NRXN1: variants seen among roughly 807,000 people sequenced by gnomAD.
The protein encoded by NRXN1 is neurexin 1.
In NRXN1, 39 loss-of-function variants were observed where a neutral mutation model predicts 150.9. The observed-to-expected ratio is 0.26, with a 90% CI of 0.20 to 0.34. The LOEUF (loss-of-function observed/expected upper bound fraction) is 0.34. NRXN1 is among the 10% of genes least tolerant of loss of function. The pLI is 1.00. For synonymous variants in NRXN1, 924 were observed against 757.0 expected, an observed-to-expected ratio of 1.22 and a Z score of -3.62; for missense variants, 1,815 against 1,949.9, an observed-to-expected ratio of 0.93 and a Z score of 1.30.
At chr2:50,667,888 C>T (rs1688300776) in intron 5 of NRXN1, among the ~76,000 whole-genome samples, 1 of 151,970 alleles carries the variant, frequency 6.6e-6, no homozygotes, top group Non-Finnish European at 1.5e-5. Flanking sequence ...TAGCATCTTT[C>T]TCATTACTTA....
intron 21 of NRXN1, among the ~76,000 whole-genome samples, chr2:49,997,899 A>C (rs1301469301): frequency 6.6e-6 from 1 of 152,138 alleles, no homozygotes; most frequent in East Asian, 1.9e-4. Flanking sequence ...AGGAAGGCTT[A>C]AAGTGAGGGC....
intron 8 of NRXN1, among the ~76,000 whole-genome samples, chr2:50,601,135 C>T (rs1483882991): frequency 1.3e-5 from 2 of 151,854 alleles, no homozygotes; most frequent in African/African-American, 4.8e-5. Flanking sequence ...ATTTATTCAC[C>T]TATTTAACTA....
At chr2:50,466,700 T>G (rs1215039174) in intron 16 of NRXN1, among the ~76,000 whole-genome samples, 1 of 151,706 alleles carries the variant, frequency 6.6e-6, no homozygotes, top group African/African-American at 2.4e-5. Flanking sequence ...AGAATTTAAT[T>G]GTACATATGT....
At chr2:50,351,309 G>T (rs1288772880) in intron 17 of NRXN1, among the ~76,000 whole-genome samples, 1 of 152,170 alleles carries the variant, frequency 6.6e-6, no homozygotes, top group African/African-American at 2.4e-5. Context: ...GAGTGTCAGT[G>T]CCTTTATCAG....
chr2:50,505,913 G>C (rs377245596), intron 13 of NRXN1, among the ~76,000 whole-genome samples: 1 of 152,106 alleles, frequency 6.6e-6, no homozygotes, highest in Non-Finnish European at 1.5e-5. Flanking sequence ...CTTCCATGAG[G>C]CTTTCCTATG....
intron 17 of NRXN1, among the ~76,000 whole-genome samples, chr2:50,335,199 G>A (rs1277378298): frequency 4.6e-5 from 7 of 152,230 alleles, no homozygotes; most frequent in Admixed American, 2.6e-4. Flanking sequence ...TAAGAAATTC[G>A]CTAGTTATGT....
chr2:50,297,385 T>A (rs1435752506), intron 17 of NRXN1, among the ~76,000 whole-genome samples: 1 of 152,224 alleles, frequency 6.6e-6, no homozygotes, highest in African/African-American at 2.4e-5. Context: ...GCTTGCTTTT[T>A]TAATTCACAG....
intron 5 of NRXN1, among the ~76,000 whole-genome samples, chr2:50,751,563 T>C (rs1367601558): frequency 6.6e-6 from 1 of 151,954 alleles, no homozygotes; most frequent in African/African-American, 2.4e-5. Flanking sequence ...CATGTAACTC[T>C]GGATTCCACC....
chr2:50,540,662 T>C (rs1212222995), intron 9 of NRXN1, among the ~76,000 whole-genome samples: 1 of 151,918 alleles, frequency 6.6e-6, no homozygotes, highest in Non-Finnish European at 1.5e-5. Flanking sequence ...AGTGCCATGT[T>C]CTTTTTTTTT....
At chr2:51,001,142 T>C (rs1699995895) in intron 2 of NRXN1, among the ~76,000 whole-genome samples, 1 of 148,930 alleles carries the variant, frequency 6.7e-6, no homozygotes, top group Non-Finnish European at 1.5e-5. Context: ...CTGAATGGAA[T>C]GCTTTGTGTA....
chr2:50,239,299 CT>C (rs2065767600), intron 17 of NRXN1, among the ~76,000 whole-genome samples: 1 of 151,176 alleles, frequency 6.6e-6, no homozygotes, highest in Admixed American at 6.6e-5. Flanking sequence ...AATTTTTTTC[CT>C]TTTTTAAATT....
chr2:50,331,112 T>A (rs576332418), intron 17 of NRXN1, among the ~76,000 whole-genome samples: 32 of 152,254 alleles, frequency 2.1e-4, no homozygotes, highest in Admixed American at 1.7e-3. Context: ...AAAGATTTAA[T>A]GTTGAAAAAC....
At chr2:50,428,673 G>T (rs2084699707) in intron 17 of NRXN1, among the ~76,000 whole-genome samples, 1 of 152,166 alleles carries the variant, frequency 6.6e-6, no homozygotes, top group Non-Finnish European at 1.5e-5. Context: ...GTCTAATCTG[G>T]ATTTGTGTCT....
At chr2:50,949,494 GAGA>G (rs1379593830) in intron 2 of NRXN1, among the ~76,000 whole-genome samples, 1 of 151,976 alleles carries the variant, frequency 6.6e-6, no homozygotes, top group Non-Finnish European at 1.5e-5. Flanking sequence ...ACAAGGGACA[GAGA>G]AGGCCACAAT....
chr2:50,132,952 A>G (rs1705763467), intron 18 of NRXN1, among the ~76,000 whole-genome samples: 1 of 152,042 alleles, frequency 6.6e-6, no homozygotes, highest in Non-Finnish European at 1.5e-5. Flanking sequence ...TATACCCAAA[A>G]AAACACTTGA....
intron 18 of NRXN1, among the ~76,000 whole-genome samples, chr2:50,094,790 A>AT (rs1284936087): frequency 2.0e-5 from 3 of 151,494 alleles, no homozygotes; most frequent in African/African-American, 7.3e-5. Context: ...AGAACTTGGA[A>AT]TTGCAGTGAT....
chr2:50,963,094 C>T (rs1037588197), intron 2 of NRXN1, among the ~76,000 whole-genome samples: 27 of 151,730 alleles, frequency 1.8e-4, no homozygotes, highest in African/African-American at 6.3e-4. Flanking sequence ...TAATTGTACA[C>T]AAAGTTGAGA....
chr2:50,021,918 T>C (rs568551662), intron 21 of NRXN1, among the ~76,000 whole-genome samples: 1 of 152,300 alleles, frequency 6.6e-6, no homozygotes, highest in South Asian at 2.1e-4. Flanking sequence ...TGGCACGATC[T>C]CGGCTCACTG....
At chr2:50,711,283 C>A (rs1695103604) in intron 5 of NRXN1, among the ~76,000 whole-genome samples, 1 of 144,058 alleles carries the variant, frequency 6.9e-6, no homozygotes, top group African/African-American at 2.7e-5. Context: ...GGAATCTGCA[C>A]TTTCATCTGT....
Sources: gnomAD v4.1 joint callset for allele counts (sites outside exome capture counted in the v4.1 genomes callset) on GRCh38, gnomAD v4.1.1 for gene constraint, MANE v1.5 for transcripts, NCBI Gene and HGNC (gene_info 2026-07-23, HGNC 2026-07-21) for gene names.